EEA1: variants seen among roughly 807,000 people sequenced by gnomAD.
EEA1 encodes the protein early endosome antigen 1, 162kD.
EEA1 carries 111 observed loss-of-function variants against 209.2 expected under a neutral mutation model. The observed-to-expected ratio is 0.53, with a 90% confidence interval of 0.45 to 0.62. The LOEUF (loss-of-function observed/expected upper bound fraction) is 0.62, where lower values mean the gene tolerates loss of function less well. EEA1 is among the 20% of genes least tolerant of loss of function. EEA1 has a pLI of 0.00. For missense variants in EEA1, 1,343 were observed against 1,530.8 expected, an observed-to-expected ratio of 0.88 and a Z score of 2.05; for synonymous variants, 536 against 540.6, an observed-to-expected ratio of 0.99 and a Z score of 0.12.
At chr12:92,844,770 A>G (rs1191850817) in intron 9 of EEA1, among the ~76,000 whole-genome samples, 1 of 152,096 alleles carries the variant, frequency 6.6e-6, no homozygotes, top group African/African-American at 2.4e-5. Flanking sequence ...TATCTTATCA[A>G]AAAAATTTGC....
At chr12:92,882,075 T>G (rs1222637057) in intron 2 of EEA1, among the ~76,000 whole-genome samples, 1 of 152,126 alleles carries the variant, frequency 6.6e-6, no homozygotes, top group Non-Finnish European at 1.5e-5. Context: ...CCTTTTCTTT[T>G]TTGGCTCTAT....
rs1206546655 is a variant in EEA1, at chr12:92,773,839, G to A, written c.*2172C>T. On this transcript the variant is annotated 3_prime_UTR_variant, in exon 29 of 29. Transcript: ENST00000322349. Reference sequence around the variant, plus strand: ...TTATATTATCAGTATAGTAGCCTATGGTAGGTAAATTACTCGGGACTTATG... The same window carrying A: ...TTATATTATCAGTATAGTAGCCTATAGTAGGTAAATTACTCGGGACTTATG... The A allele has an allele frequency of 3.3e-5, 5 of 151,442 alleles. No individual in the cohort carries two copies. Among genetic ancestry groups the A allele is most frequent in the African/African-American group, 7.3e-5 (3 of 41,344 alleles). The allele number at this position is 151,442 out of a possible 1,614,324, so 9.4% of individuals were successfully genotyped here.
intron 23 of EEA1, among the ~76,000 whole-genome samples, chr12:92,780,980 C>T (rs4528377): frequency 1.3e-5 from 2 of 151,946 alleles, no homozygotes; most frequent in African/African-American, 4.8e-5. Context: ...GATCATGGCT[C>T]ACTCACTGCA....
intron 1 of EEA1, among the ~76,000 whole-genome samples, chr12:92,921,602 G>A (rs1303222418): frequency 4.2e-5 from 5 of 118,920 alleles, no homozygotes; most frequent in African/African-American, 1.7e-4. Flanking sequence ...ACTGTGGTGG[G>A]GTTGGGGGAG....
chr12:92,783,736 C>A (rs1389161357), intron 22 of EEA1, among the ~76,000 whole-genome samples: 1 of 152,046 alleles, frequency 6.6e-6, no homozygotes, highest in East Asian at 1.9e-4. Flanking sequence ...GGAACCTTGC[C>A]ACTCTCAGCT....
At chr12:92,845,658 T>A (rs1877361479) in intron 9 of EEA1, among the ~76,000 whole-genome samples, 1 of 152,220 alleles carries the variant, frequency 6.6e-6, no homozygotes, top group Non-Finnish European at 1.5e-5. Flanking sequence ...CCACTTCCAC[T>A]ACCGCCCATA....
intron 10 of EEA1, among the ~76,000 whole-genome samples, chr12:92,839,221 A>G (rs1023585872): frequency 2.6e-5 from 4 of 152,226 alleles, no homozygotes; most frequent in South Asian, 2.1e-4. Context: ...CAGTGAACCA[A>G]TATTTTCCAC....
At chr12:92,887,516 G>C (rs1455289193) in intron 2 of EEA1, among the ~76,000 whole-genome samples, 6 of 151,988 alleles carry the variant, frequency 3.9e-5, no homozygotes, top group Non-Finnish European at 7.4e-5. Context: ...CAAAAAGCCA[G>C]GCATGGTGAT....
At chr12:92,832,089 G>A (rs1337153480) in intron 11 of EEA1, among the ~76,000 whole-genome samples, 1 of 134,014 alleles carries the variant, frequency 7.5e-6, no homozygotes, top group Non-Finnish European at 1.5e-5. Flanking sequence ...GCAAGACTCC[G>A]TCTCAAAAAA....
chr12:92,812,901 G>A, intron 16 of EEA1, 79 bp downstream of exon 16: 1 of 947,388 alleles, frequency 1.1e-6, no homozygotes, highest in African/African-American at 1.6e-5. Context: ...ACAAAACTGG[G>A]TATCATCTTT....
At chr12:92,797,550 C>T (rs55675703) in intron 21 of EEA1, among the ~76,000 whole-genome samples, 39,190 of 151,970 alleles carry the variant, frequency 0.26, 5,556 homozygotes, top group Non-Finnish European at 0.32. Context: ...TATTATAACT[C>T]ATAATTTTTA....
At chr12:92,833,849 G>A (rs1405727909) in intron 10 of EEA1, among the ~76,000 whole-genome samples, 6 of 152,124 alleles carry the variant, frequency 3.9e-5, no homozygotes, top group African/African-American at 1.4e-4. Flanking sequence ...GAGTCAGAAT[G>A]GGTTAATAGA....
At chr12:92,832,374 G>A (rs962366048) in intron 11 of EEA1, 138 bp downstream of exon 11, 3 of 780,896 alleles carry the variant, frequency 3.8e-6, no homozygotes, top group Non-Finnish European at 5.9e-6. Flanking sequence ...CAACACTACA[G>A]GATATAAAAG....
Position 92,779,049 on chromosome 12 carries a change from A to C in EEA1, c.3654+66T>G, listed in dbSNP as rs184016647. ...TTCAATCAGATCTTATAAGTAGAAC[A>C]GTCCTCTCACTGGATTGATTTAAAG... On this transcript the variant is annotated intron_variant, in intron 25 of 28. Transcript: ENST00000322349. 1.4e-3 allele frequency: 1,908 copies of C among 1,367,200 alleles called. 4 individuals carry two copies. Among genetic ancestry groups the C allele is most frequent in the Admixed American group, 3.3e-3 (131 of 39,106 alleles). 84.7% of individuals were successfully genotyped at this position (1,367,200 alleles called of 1,614,324 possible). A position where few individuals can be genotyped will look rare whatever the true frequency, so the allele number is the denominator to read the frequency against.
At chr12:92,925,650 A>G (rs950263610) in intron 1 of EEA1, among the ~76,000 whole-genome samples, 11 of 152,250 alleles carry the variant, frequency 7.2e-5, no homozygotes, top group Admixed American at 2.0e-4. Flanking sequence ...TAAGTAAAAT[A>G]TTCAATACAT....
chr12:92,825,510 A>G (rs1876255839), intron 13 of EEA1, among the ~76,000 whole-genome samples: 1 of 151,998 alleles, frequency 6.6e-6, no homozygotes, highest in Non-Finnish European at 1.5e-5. Flanking sequence ...AATTCACTTC[A>G]GCATTTGGGC....
At chr12:92,880,505 C>T (rs142690671) in intron 2 of EEA1, among the ~76,000 whole-genome samples, 124 of 152,204 alleles carry the variant, frequency 8.1e-4, no homozygotes, top group African/African-American at 2.8e-3. Context: ...GGCGGAGTCT[C>T]ACTCTGTCGC....
In EEA1 at chr12:92,789,565, G is replaced by A. The variant is rs953826681; in HGVS notation, c.2968-1516C>T. On this transcript the variant is annotated intron_variant, in intron 21 of 28. Transcript: ENST00000322349. ...AAGCTGTTACTTCTGAGCCTGGCTC[G>A]GAGAGGGGGGTCTGCCATTGCTGAG... Among the ~76,000 whole-genome samples, 27 of 152,168 alleles carry A rather than the reference G, an allele frequency of 1.8e-4. 2 individuals are homozygous for A. The highest frequency in any genetic ancestry group is 1.4e-3 in the Admixed American group (21 of 15,280).
At position 92,828,056 on chromosome 12, in the gene EEA1, A is replaced by G. The variant is rs571312888; in HGVS notation, c.1260T>C (p.His420=). 7.7e-6 allele frequency: 12 copies of G among 1,554,078 alleles called. No homozygotes were observed. Among genetic ancestry groups the G allele is most frequent in the Non-Finnish European group, 1.0e-5 (12 of 1,157,884 alleles). ...LQLQSEINQL[H]SKLLETERQL... ...GGCGCTCTGTCTCCAGAAGTTTGCTATGTAACTTTAAAAAAAGAAAAAAAA... is the reference window on the plus strand; with the variant it reads ...GGCGCTCTGTCTCCAGAAGTTTGCTGTGTAACTTTAAAAAAAGAAAAAAAA... The change falls in exon 12 of 29, where the codon CAT becomes CAC. Residue 420 remains histidine (H), a synonymous_variant. Coordinates refer to ENST00000322349, the MANE Select transcript of EEA1 (RefSeq NM_003566.4).
Sources: allele counts gnomAD v4.1 joint callset (sites outside exome capture counted in the v4.1 genomes callset), GRCh38; gene constraint gnomAD v4.1.1; transcripts MANE v1.5; gene names NCBI Gene and HGNC (gene_info 2026-07-23, HGNC 2026-07-21).